FRMD4B: variants seen among roughly 807,000 people sequenced by gnomAD.
FRMD4B encodes the protein FERM domain-containing protein 4B.
FRMD4B carries 74 observed loss-of-function variants against 141.5 expected under a neutral mutation model. The observed-to-expected ratio is 0.52, with a 90% confidence interval of 0.43 to 0.63. The LOEUF is 0.63. Ranked by LOEUF, FRMD4B falls within the 30% of genes least tolerant of loss-of-function variation. The pLI is 0.00. For synonymous variants in FRMD4B, 506 were observed against 467.9 expected (o/e 1.08, Z -1.05); for missense variants, 1,366 against 1,253.4 (o/e 1.09, Z -1.36).
At position 69,302,368 on chromosome 3, in the gene FRMD4B, G is replaced by C; in HGVS notation, c.391C>G (p.Pro131Ala). Residue 131 changes from proline to alanine, a missense_variant, in exon 4 of 23, where the codon CCA becomes GCA. Coordinates refer to ENST00000398540, the MANE Select transcript of FRMD4B (RefSeq NM_015123.3). Reference sequence around the variant, plus strand: ...CTCACAGCAAAGTGCAAAATGGTTGGGCCTGGTTTCTTGGGCAAATCGTGG... The same window carrying C: ...CTCACAGCAAAGTGCAAAATGGTTGCGCCTGGTTTCTTGGGCAAATCGTGG... The part of the protein sequence containing the change: ...LDHDLPKKPG[P>A]TILHFAVRFY... 1 of 1,605,938 alleles carries C rather than the reference G, an allele frequency of 6.2e-7. No individual in the cohort carries two copies. Among genetic ancestry groups the C allele is most frequent in the Non-Finnish European group, 8.5e-7 (1 of 1,173,948 alleles).
At chr3:69,219,231 T>G (rs1304096068) in intron 9 of FRMD4B, among the ~76,000 whole-genome samples, 5 of 151,956 alleles carry the variant, frequency 3.3e-5, no homozygotes, top group Non-Finnish European at 7.3e-5. Flanking sequence ...TATTTTTAAT[T>G]CAGTAGTGTT....
At chr3:69,366,107 A>AC (rs1559831927) in intron 1 of FRMD4B, among the ~76,000 whole-genome samples, 1 of 143,158 alleles carries the variant, frequency 7.0e-6, no homozygotes, top group African/African-American at 2.6e-5. Flanking sequence ...ACACACACAC[A>AC]AAATTAGCTG....
intron 18 of FRMD4B, among the ~76,000 whole-genome samples, chr3:69,188,775 A>AAAAAAAAAAACAAC: frequency 1.3e-5 from 2 of 148,198 alleles, no homozygotes; most frequent in African/African-American, 5.1e-5. Context: ...AAAAAAAAAA[A>AAAAAAAAAAACAAC]AAAAAAAAAC....
chr3:69,537,745 C>A (rs1701109844), intron 1 of FRMD4B, among the ~76,000 whole-genome samples: 1 of 152,210 alleles, frequency 6.6e-6, no homozygotes, highest in South Asian at 2.1e-4. Flanking sequence ...TATTGATAAT[C>A]TATTTGCCTG....
At chr3:69,394,958 T>C (rs985072258) in intron 2 of FRMD4B, among the ~76,000 whole-genome samples, 1 of 152,030 alleles carries the variant, frequency 6.6e-6, no homozygotes, top group South Asian at 2.1e-4. Flanking sequence ...TAAGTGGTAG[T>C]TGAACAATGA....
At chr3:69,512,219 G>A (rs1706700742) in intron 1 of FRMD4B, among the ~76,000 whole-genome samples, 2 of 152,178 alleles carry the variant, frequency 1.3e-5, no homozygotes, top group South Asian at 2.1e-4. Context: ...CTGGAGTTAA[G>A]AGGAAAAACC....
At chr3:69,442,868 T>C (rs887732388) in intron 1 of FRMD4B, among the ~76,000 whole-genome samples, 5 of 152,216 alleles carry the variant, frequency 3.3e-5, no homozygotes, top group Non-Finnish European at 7.3e-5. Flanking sequence ...TTTCTTCATA[T>C]GCACAATGAG....
intron 1 of FRMD4B, among the ~76,000 whole-genome samples, chr3:69,344,577 T>G (rs1027374451): frequency 1.3e-5 from 2 of 152,186 alleles, no homozygotes; most frequent in Admixed American, 1.3e-4. Flanking sequence ...CAAGACCACA[T>G]AGCTTGTCAG....
chr3:69,267,593 GTGTATATATATA>G lies in FRMD4B; in HGVS notation c.502-17506_502-17495del, dbSNP rs1364941994. ...TATATATATATGTGTGTGTGTGTGTGTGTATATATATATATATATATATATATATATATATAT... is the reference window on the plus strand; with the variant it reads ...TATATATATATGTGTGTGTGTGTGTGTATATATATATATATATATATATAT... On this transcript the variant is annotated intron_variant, in intron 5 of 22. Transcript: ENST00000398540. 1.9e-4 allele frequency among the ~76,000 whole-genome samples: 19 copies of G among 98,000 alleles called. 1 individual carries two copies. Among genetic ancestry groups the G allele is most frequent in the African/African-American group, 8.4e-4 (19 of 22,640 alleles). The allele number at this position is 98,000 out of a possible 152,430, so 64.3% of individuals were successfully genotyped here.
At chr3:69,304,949 A>G (rs1701344577) in intron 3 of FRMD4B, among the ~76,000 whole-genome samples, 1 of 152,224 alleles carries the variant, frequency 6.6e-6, no homozygotes, top group Admixed American at 6.5e-5. Context: ...GACAGGAAAA[A>G]TGAGCATAAA....
At chr3:69,331,067 C>T (rs1039569349) in intron 1 of FRMD4B, among the ~76,000 whole-genome samples, 1 of 152,206 alleles carries the variant, frequency 6.6e-6, no homozygotes, top group Non-Finnish European at 1.5e-5. Flanking sequence ...TCAACCAACA[C>T]TTGAGGCTGT....
At chr3:69,221,791 C>A (rs1424241025) in intron 9 of FRMD4B, 67 bp downstream of exon 9, 2 of 808,402 alleles carry the variant, frequency 2.5e-6, no homozygotes, top group African/African-American at 1.7e-5. Flanking sequence ...CAACAGAAAT[C>A]ATTTCAAGTG....
In FRMD4B at chr3:69,495,992, C is replaced by CT. The variant is rs36088465; in HGVS notation, c.-129+46213dup. ...TATGGTTTGCAGCCTGGACAAAAACCTTTTTGGGTCTGACCTGAATAAGTA... is the reference window on the plus strand; with the variant it reads ...TATGGTTTGCAGCCTGGACAAAAACCTTTTTTGGGTCTGACCTGAATAAGTA... On this transcript the variant is annotated intron_variant, in intron 1 of 5. Coordinates refer to the FRMD4B transcript ENST00000459638. Among the ~76,000 whole-genome samples the CT allele has an allele frequency of 8.7e-3, 1,324 of 152,196 alleles. 23 individuals are homozygous for CT. Among genetic ancestry groups the CT allele is most frequent in the African/African-American group, 0.03 (1,251 of 41,526 alleles).
chr3:69,402,851 T>C (rs577949571), intron 2 of FRMD4B, among the ~76,000 whole-genome samples: 1 of 152,182 alleles, frequency 6.6e-6, no homozygotes, highest in South Asian at 2.1e-4. Flanking sequence ...GAATCAGGAA[T>C]CAATGAGATA....
chr3:69,260,509 C>A (rs965191518), intron 5 of FRMD4B, among the ~76,000 whole-genome samples: 1 of 152,242 alleles, frequency 6.6e-6, no homozygotes, highest in Non-Finnish European at 1.5e-5. Flanking sequence ...GCCACCTCCC[C>A]ATGGGGCAGG....
At chr3:69,519,791 CT>C (rs1230380433) in intron 1 of FRMD4B, among the ~76,000 whole-genome samples, 1 of 151,836 alleles carries the variant, frequency 6.6e-6, no homozygotes, top group Non-Finnish European at 1.5e-5. Flanking sequence ...CCCTCACCCC[CT>C]CCCATCTTTT....
chr3:69,332,915 T>G (rs1352004889), intron 1 of FRMD4B, among the ~76,000 whole-genome samples: 2 of 152,074 alleles, frequency 1.3e-5, no homozygotes, highest in Non-Finnish European at 2.9e-5. Flanking sequence ...AACCATCTCC[T>G]CGTCCTTAAC....
chr3:69,391,163 G>T (rs1704374508), intron 2 of FRMD4B, among the ~76,000 whole-genome samples: 1 of 151,810 alleles, frequency 6.6e-6, no homozygotes. Context: ...ATCATCCAAA[G>T]GGAGAATAAC....
chr3:69,262,459 CTTTTTTTTT>C (rs71618271), intron 5 of FRMD4B, among the ~76,000 whole-genome samples: 2 of 86,822 alleles, frequency 2.3e-5, no homozygotes, highest in African/African-American at 4.7e-5. Context: ...ACACAAATGA[CTTTTTTTTT>C]TTTTTTTTTT....
Sources: gnomAD v4.1 joint callset for allele counts (sites outside exome capture counted in the v4.1 genomes callset) on GRCh38, gnomAD v4.1.1 for gene constraint, MANE v1.5 for transcripts, NCBI Gene and HGNC (gene_info 2026-07-23, HGNC 2026-07-21) for gene names.